Variants in PTPRM observed in about 807,000 individuals in gnomAD.
PTPRM encodes the protein protein tyrosine phosphatase receptor type M, also known as receptor-type tyrosine-protein phosphatase mu.
PTPRM carries 47 observed loss-of-function variants against 186.7 expected under a neutral mutation model. That is an observed-to-expected ratio of 0.25 (90% CI 0.20 to 0.32). The LOEUF (loss-of-function observed/expected upper bound fraction) is 0.32. Ranked by LOEUF, PTPRM falls within the 10% of genes least tolerant of loss-of-function variation. The pLI is 1.00. For synonymous variants in PTPRM, 668 were observed against 674.9 expected, an observed-to-expected ratio of 0.99 and a Z score of 0.16; for missense variants, 1,494 against 1,865.0, an observed-to-expected ratio of 0.80 and a Z score of 3.66.
chr18:8,020,212 C>CT (rs1349594398), intron 7 of PTPRM, among the ~76,000 whole-genome samples: 2 of 152,198 alleles, frequency 1.3e-5, no homozygotes, highest in Non-Finnish European at 2.9e-5. Context: ...TCACTCCAAT[C>CT]TTTTTTTCGT....
At chr18:8,290,756 T>C (rs2147837734) in intron 19 of PTPRM, among the ~76,000 whole-genome samples, 1 of 152,314 alleles carries the variant, frequency 6.6e-6, no homozygotes, top group African/African-American at 2.4e-5. Flanking sequence ...CTTCGCAGTA[T>C]ATATGAGCTA....
chr18:8,092,965 TAGAG>T (rs778112095), intron 11 of PTPRM, among the ~76,000 whole-genome samples: 12 of 152,038 alleles, frequency 7.9e-5, no homozygotes, highest in Non-Finnish European at 1.2e-4. Context: ...CTGGACAACA[TAGAG>T]AGGCCCAACA....
intron 1 of PTPRM, among the ~76,000 whole-genome samples, chr18:7,659,150 AC>A (rs1568011366): frequency 5.3e-5 from 8 of 151,324 alleles, no homozygotes; most frequent in African/African-American, 2.0e-4. Flanking sequence ...ACACACACAC[AC>A]ACACAATCTC....
At chr18:7,782,144 A>G (rs1432649414) in intron 2 of PTPRM, among the ~76,000 whole-genome samples, 1 of 152,198 alleles carries the variant, frequency 6.6e-6, no homozygotes. Flanking sequence ...ATTTCATGTC[A>G]GTGACCTGTG....
At chr18:7,704,431 T>C (rs1177586804) in intron 1 of PTPRM, among the ~76,000 whole-genome samples, 2 of 152,192 alleles carry the variant, frequency 1.3e-5, no homozygotes, top group Non-Finnish European at 2.9e-5. Flanking sequence ...ATTTATCCAT[T>C]TATTCTAGAT....
At chr18:8,045,880 ATTG>A (rs1378348552) in intron 7 of PTPRM, among the ~76,000 whole-genome samples, 1 of 152,226 alleles carries the variant, frequency 6.6e-6, no homozygotes, top group Non-Finnish European at 1.5e-5. Context: ...ACTAAGAATG[ATTG>A]TAATAGCAGA....
chr18:8,249,558 G>A (rs931946353), intron 17 of PTPRM, among the ~76,000 whole-genome samples: 6 of 152,094 alleles, frequency 3.9e-5, no homozygotes, highest in East Asian at 1.9e-4. Context: ...GAAGATTTGC[G>A]ATTTCTTCAT....
chr18:8,222,143 CTAAGA>C (rs1439303279), intron 14 of PTPRM, among the ~76,000 whole-genome samples: 1 of 152,116 alleles, frequency 6.6e-6, no homozygotes, highest in Non-Finnish European at 1.5e-5. Context: ...CACTGACCTG[CTAAGA>C]TAAGTTGTGG....
chr18:7,891,904 G>T (rs2049103180), intron 3 of PTPRM, among the ~76,000 whole-genome samples: 1 of 152,116 alleles, frequency 6.6e-6, no homozygotes, highest in Non-Finnish European at 1.5e-5. Context: ...AAGGCAATCA[G>T]TAGAACTGGG....
At chr18:7,573,436 G>A (rs1220682378) in intron 1 of PTPRM, among the ~76,000 whole-genome samples, 1 of 152,150 alleles carries the variant, frequency 6.6e-6, no homozygotes, top group Non-Finnish European at 1.5e-5. Flanking sequence ...GCATCTGGAG[G>A]CCTCCTTTCA....
chr18:8,095,237 A>G (rs1329021181), intron 11 of PTPRM, among the ~76,000 whole-genome samples: 3 of 152,158 alleles, frequency 2.0e-5, no homozygotes, highest in African/African-American at 7.2e-5. Flanking sequence ...AGTACAGGGA[A>G]GAGTCAGCTA....
chr18:7,749,594 G>A lies in PTPRM; in HGVS notation c.74-24555G>A, dbSNP rs1449550388. Among the ~76,000 whole-genome samples, 5 of 152,252 alleles carry A rather than the reference G, an allele frequency of 3.3e-5. No homozygotes were observed. In the East Asian group the frequency reaches 9.7e-4, roughly 29 times the overall value. On this transcript the variant is annotated intron_variant, in intron 1 of 32. Transcript: ENST00000580170. ...TCTGTAGGACTGGGGCCCTCTGGAA[G>A]GGTAATTAGAGTCTGGCCCCATTTG...
intron 2 of PTPRM, among the ~76,000 whole-genome samples, chr18:7,845,815 A>G (rs1413287850): frequency 6.6e-6 from 1 of 151,860 alleles, no homozygotes; most frequent in Admixed American, 6.6e-5. Context: ...TGGGAAGCCA[A>G]CTCCAAGGTG....
chr18:7,827,545 T>C (rs1029060141), intron 2 of PTPRM, among the ~76,000 whole-genome samples: 5 of 152,198 alleles, frequency 3.3e-5, no homozygotes, highest in Non-Finnish European at 4.4e-5. Flanking sequence ...CTTTGGAAAA[T>C]AGTGAATGTT....
chr18:8,063,053 C>G (rs1281048477), intron 7 of PTPRM, among the ~76,000 whole-genome samples: 1 of 151,160 alleles, frequency 6.6e-6, no homozygotes, highest in South Asian at 2.1e-4. Context: ...GCCCCTCCCC[C>G]AGCCTCGCTG....
chr18:8,044,836 T>TA (rs1297616756), intron 7 of PTPRM, among the ~76,000 whole-genome samples: 14 of 149,816 alleles, frequency 9.3e-5, no homozygotes, highest in African/African-American at 2.4e-4. Context: ...AGGATTTCTA[T>TA]AAAAAAATAT....
At chr18:8,159,639 G>A (rs1047807108) in intron 14 of PTPRM, among the ~76,000 whole-genome samples, 1 of 152,074 alleles carries the variant, frequency 6.6e-6, no homozygotes, top group African/African-American at 2.4e-5. Flanking sequence ...TGTCCCTCCC[G>A]ACAGTGCCGA....
chr18:7,816,065 A>G (rs1021794266), intron 2 of PTPRM, among the ~76,000 whole-genome samples: 1 of 152,204 alleles, frequency 6.6e-6, no homozygotes, highest in Non-Finnish European at 1.5e-5. Context: ...CTTAGGTCCC[A>G]GTTTATATTC....
At chr18:7,763,372 T>A (rs375672425) in intron 1 of PTPRM, among the ~76,000 whole-genome samples, 1 of 152,182 alleles carries the variant, frequency 6.6e-6, no homozygotes, top group East Asian at 1.9e-4. Context: ...AGCGTAAGAT[T>A]GTTAGGCTTC....
Sources: allele counts gnomAD v4.1 joint callset (sites outside exome capture counted in the v4.1 genomes callset), GRCh38; gene constraint gnomAD v4.1.1; transcripts MANE v1.5; gene names NCBI Gene and HGNC (gene_info 2026-07-23, HGNC 2026-07-21).